Variants in HPGDS observed in about 807,000 individuals in gnomAD.
The protein encoded by HPGDS is hematopoietic prostaglandin D synthase.
A neutral mutation model predicts 23.1 loss-of-function variants in HPGDS; 26 were observed. The ratio of observed to expected loss-of-function variants is 1.13; its 90% CI spans 0.83 to 1.56. HPGDS has a LOEUF of 1.56. Among genes scored for constraint, HPGDS ranks in the 40% most tolerant of loss-of-function variants. The pLI, the probability that HPGDS is intolerant of heterozygous loss-of-function variation, is 0.00. For synonymous variants in HPGDS, 95 were observed against 77.9 expected (o/e 1.22, Z -1.16); for missense variants, 268 against 236.4 (o/e 1.13, Z -0.88).
intron 3 of HPGDS, among the ~76,000 whole-genome samples, chr4:94,315,655 A>C (rs1034573797): frequency 2.6e-5 from 4 of 152,214 alleles, no homozygotes; most frequent in Non-Finnish European, 5.9e-5. Context: ...GAAACTGTAT[A>C]CTGACAGTGG....
At position 94,310,601 on chromosome 4, in the gene HPGDS, T is replaced by C. The variant is rs141882815; in HGVS notation, c.227-1858A>G. 4.6e-3 allele frequency among the ~76,000 whole-genome samples: 700 copies of C among 152,334 alleles called. 4 individuals carry two copies. Among genetic ancestry groups the C allele is most frequent in the African/African-American group, 0.016 (650 of 41,582 alleles). The stretch of plus-strand genomic sequence containing the variant: ...CCAGCCTTGTTCTTTTTGCTTAGGA[T>C]TGACTTGGCAATGCAGGCTCTTTTT... On this transcript the variant is annotated intron_variant, in intron 3 of 5. Transcript: ENST00000295256.
At chr4:94,308,338 T>C (rs1369042383) in intron 4 of HPGDS, among the ~76,000 whole-genome samples, 1 of 152,022 alleles carries the variant, frequency 6.6e-6, no homozygotes, top group Non-Finnish European at 1.5e-5. Context: ...TGAGAAATCA[T>C]TTACAATTGG....
At chr4:94,312,707 T>C (rs1434319871) in intron 3 of HPGDS, among the ~76,000 whole-genome samples, 1 of 152,174 alleles carries the variant, frequency 6.6e-6, no homozygotes. Context: ...TAACTTTCTG[T>C]CTCATTGATC....
At chr4:94,310,713 A>T (rs1756250034) in intron 3 of HPGDS, among the ~76,000 whole-genome samples, 1 of 152,184 alleles carries the variant, frequency 6.6e-6, no homozygotes, top group South Asian at 2.1e-4. Flanking sequence ...CTAAATCTAT[A>T]AATTACCTTG....
chr4:94,308,594 T>C (rs55710447), intron 4 of HPGDS, 40 bp downstream of exon 4: 157,639 of 1,000,586 alleles, frequency 0.16, 14,278 homozygotes, highest in Non-Finnish European at 0.19. Context: ...TGGCAGGTGG[T>C]ATATAATTAA....
chr4:94,299,671 T>A (rs1459959730), intron 5 of HPGDS, 27 bp from the exon 6 acceptor site: 1 of 1,599,938 alleles, frequency 6.3e-7, no homozygotes, highest in African/African-American at 1.3e-5. Context: ...AAACTTTTCA[T>A]TTGAACATAG....
At chr4:94,331,170 A>C (rs1049733969) in intron 2 of HPGDS, among the ~76,000 whole-genome samples, 1 of 152,174 alleles carries the variant, frequency 6.6e-6, no homozygotes, top group Non-Finnish European at 1.5e-5. Flanking sequence ...GTTAGGTTTT[A>C]ATCTTGTCTA....
In HPGDS at chr4:94,333,216, T is replaced by C. The variant is rs553336619; in HGVS notation, c.133+1281A>G. ...ATAGAAACTGCTCCTTAGTAGTACC[T>C]GTTCTTTCCTTTCTTCTTAGAGTAA... On this transcript the variant is annotated intron_variant, in intron 2 of 5. Transcript: ENST00000295256. Among the ~76,000 whole-genome samples the C allele has an allele frequency of 8.5e-5, 13 of 152,336 alleles. No individual in the cohort carries two copies. In the South Asian group the frequency reaches 2.5e-3, roughly 29 times the overall value.
At chr4:94,312,040 T>C (rs184346890) in intron 3 of HPGDS, among the ~76,000 whole-genome samples, 55 of 152,328 alleles carry the variant, frequency 3.6e-4, no homozygotes, top group South Asian at 8.3e-4. Flanking sequence ...TTCTTCTTTA[T>C]TAGTGTTGCC....
intron 4 of HPGDS, 68 bp from the exon 5 acceptor site, chr4:94,302,312 T>A (rs1756058220): frequency 9.6e-7 from 1 of 1,045,034 alleles, no homozygotes; most frequent in Non-Finnish European, 1.5e-6. Flanking sequence ...GAGGAGGAAG[T>A]AGATTTCTCC....
intron 2 of HPGDS, among the ~76,000 whole-genome samples, chr4:94,331,339 AT>A (rs1221524793): frequency 6.6e-6 from 1 of 151,732 alleles, no homozygotes; most frequent in African/African-American, 2.4e-5. Context: ...TTGAAGTGGT[AT>A]TTTTTTCTCG....
At chr4:94,321,614 G>T (rs997168859) in intron 2 of HPGDS, among the ~76,000 whole-genome samples, 6 of 152,148 alleles carry the variant, frequency 3.9e-5, no homozygotes, top group Non-Finnish European at 8.8e-5. Context: ...CATTGATTTT[G>T]TATCCTGAGA....
Position 94,333,381 on chromosome 4 carries a change from C to G in HPGDS, c.133+1116G>C, listed in dbSNP as rs567022865. On this transcript the variant is annotated intron_variant, in intron 2 of 5. Transcript: ENST00000295256. ...TCTAGTAAAAGGAAGGGGTGTGTCC[C>G]CTCCCTCTTTCACACTTTCTCTGAG... 3.2e-4 allele frequency among the ~76,000 whole-genome samples: 48 copies of G among 152,108 alleles called. 1 individual carries two copies. The highest frequency in any genetic ancestry group is 6.6e-4 in the Non-Finnish European group (45 of 68,020).
chr4:94,334,398 A>G, intron 2 of HPGDS, 99 bp downstream of exon 2: 1 of 1,098,306 alleles, frequency 9.1e-7, no homozygotes, highest in South Asian at 1.8e-5. Flanking sequence ...TTAAAGCTAC[A>G]TGAGCTTCGA....
At chr4:94,322,740 G>A (rs1351152098) in intron 2 of HPGDS, among the ~76,000 whole-genome samples, 1 of 151,598 alleles carries the variant, frequency 6.6e-6, no homozygotes, top group Non-Finnish European at 1.5e-5. Flanking sequence ...TTTTTTGAAG[G>A]GTTTTTTGTA....
At chr4:94,330,691 C>T (rs1756718863) in intron 2 of HPGDS, among the ~76,000 whole-genome samples, 1 of 151,984 alleles carries the variant, frequency 6.6e-6, no homozygotes, top group Non-Finnish European at 1.5e-5. Flanking sequence ...TCCTTTCTTT[C>T]TTCTTTTATT....
chr4:94,311,286 C>T (rs1443599106), intron 3 of HPGDS, among the ~76,000 whole-genome samples: 1 of 151,368 alleles, frequency 6.6e-6, no homozygotes. Context: ...TCACAGATAG[C>T]TCTTACTATT....
At chr4:94,322,261 G>A (rs924487712) in intron 2 of HPGDS, among the ~76,000 whole-genome samples, 7 of 152,072 alleles carry the variant, frequency 4.6e-5, no homozygotes, top group South Asian at 2.1e-4. Flanking sequence ...TGGTATCAGG[G>A]TGATGCTGGC....
chr4:94,325,232 G>A (rs1197250602), intron 2 of HPGDS, among the ~76,000 whole-genome samples: 1 of 152,144 alleles, frequency 6.6e-6, no homozygotes, highest in African/African-American at 2.4e-5. Flanking sequence ...GGCTACTCGG[G>A]GGTCAGGGAC....
Sources: gnomAD v4.1 joint callset for allele counts (sites outside exome capture counted in the v4.1 genomes callset) on GRCh38, gnomAD v4.1.1 for gene constraint, MANE v1.5 for transcripts, NCBI Gene and HGNC (gene_info 2026-07-23, HGNC 2026-07-21) for gene names.